SPMIP7: variants seen among roughly 807,000 people sequenced by gnomAD.
SPMIP7 encodes the protein protein SPMIP7.
chr7:50,156,472 T>C, the SPMIP7 span, among the ~76,000 whole-genome samples: 1 of 151,974 alleles, frequency 6.6e-6, no homozygotes, highest in Non-Finnish European at 1.5e-5. Flanking sequence ...GTTCCTCACT[T>C]ATTAAGAGCT....
the SPMIP7 span, among the ~76,000 whole-genome samples, chr7:50,144,210 C>CT: frequency 1.3e-5 from 2 of 152,150 alleles, no homozygotes; most frequent in Non-Finnish European, 2.9e-5. Flanking sequence ...CCACAAATAA[C>CT]TTTTTTCCAA....
the SPMIP7 span, among the ~76,000 whole-genome samples, chr7:50,129,227 C>A: frequency 1.3e-5 from 2 of 151,338 alleles, no homozygotes; most frequent in African/African-American, 2.4e-5. Context: ...AATAAAAAAG[C>A]AAAAGGAGGC....
At chr7:50,122,551 C>A in the SPMIP7 span, among the ~76,000 whole-genome samples, 2 of 150,986 alleles carry the variant, frequency 1.3e-5, no homozygotes, top group African/African-American at 2.4e-5. Flanking sequence ...GCAACAAAAG[C>A]CAAAATTGAC....
At chr7:50,109,781 A>G in the SPMIP7 span, among the ~76,000 whole-genome samples, 4 of 152,332 alleles carry the variant, frequency 2.6e-5, no homozygotes, top group Admixed American at 2.6e-4. Flanking sequence ...TAATTTCTGC[A>G]TATGTAGAAT....
chr7:50,149,643 GTTGCCATAGATGTAAT>G, the SPMIP7 span, among the ~76,000 whole-genome samples: 1 of 152,166 alleles, frequency 6.6e-6, no homozygotes, highest in Non-Finnish European at 1.5e-5. Flanking sequence ...TTATTCTGCT[GTTGCCATAGATGTAAT>G]TTCCCTTCAC....
At chr7:50,148,534 C>A in the SPMIP7 span, among the ~76,000 whole-genome samples, 2 of 152,190 alleles carry the variant, frequency 1.3e-5, no homozygotes, top group Non-Finnish European at 2.9e-5. Context: ...ACCTTTCACA[C>A]AGATGGAGGG....
chr7:50,126,608 C>G, the SPMIP7 span, among the ~76,000 whole-genome samples: 60 of 151,912 alleles, frequency 3.9e-4, 1 homozygote, highest in African/African-American at 1.4e-3. Flanking sequence ...ATTAATATTT[C>G]TCACATACAC....
chr7:50,114,254 A>G, the SPMIP7 span, among the ~76,000 whole-genome samples: 1 of 152,170 alleles, frequency 6.6e-6, no homozygotes, highest in Non-Finnish European at 1.5e-5. Context: ...AATATAAAAT[A>G]CTATTTTTCA....
the SPMIP7 span, among the ~76,000 whole-genome samples, chr7:50,134,689 A>T: frequency 4.4e-4 from 67 of 152,324 alleles, no homozygotes; most frequent in African/African-American, 1.4e-3. Flanking sequence ...ATAGATTGCT[A>T]TCTGATGTTG....
At chr7:50,128,495 A>T in the SPMIP7 span, among the ~76,000 whole-genome samples, 1 of 152,048 alleles carries the variant, frequency 6.6e-6, no homozygotes, top group Non-Finnish European at 1.5e-5. Context: ...GAAAAGATAG[A>T]TATTTAAGGT....
the SPMIP7 span, among the ~76,000 whole-genome samples, chr7:50,129,226 G>A: frequency 3.1e-4 from 47 of 151,860 alleles, 1 homozygote; most frequent in East Asian, 8.3e-3. Context: ...CAATAAAAAA[G>A]CAAAAGGAGG....
At chr7:50,145,008 T>A in the SPMIP7 span, among the ~76,000 whole-genome samples, 2 of 151,952 alleles carry the variant, frequency 1.3e-5, no homozygotes. Context: ...ACACCTGTAG[T>A]CCTAGCACTT....
chr7:50,109,242 A>G, the SPMIP7 span, among the ~76,000 whole-genome samples: 30 of 152,334 alleles, frequency 2.0e-4, no homozygotes, highest in East Asian at 5.6e-3. Context: ...GAAAATATTT[A>G]TATTTTAGAA....
At chr7:50,124,026 T>C in the SPMIP7 span, among the ~76,000 whole-genome samples, 1 of 152,114 alleles carries the variant, frequency 6.6e-6, no homozygotes, top group Non-Finnish European at 1.5e-5. Flanking sequence ...TACAAATCCA[T>C]TGAAAGTAAG....
chr7:50,121,474 A>G, the SPMIP7 span: 1 of 152,328 alleles, frequency 6.6e-6, no homozygotes, highest in Non-Finnish European at 1.5e-5. Context: ...AGGCAAACAC[A>G]GAACTGTAAC....
the SPMIP7 span, among the ~76,000 whole-genome samples, chr7:50,114,529 A>C: frequency 1.3e-5 from 2 of 152,136 alleles, no homozygotes; most frequent in African/African-American, 4.8e-5. Context: ...AAAAATTTTT[A>C]AAGCATATGT....
chr7:50,106,862 G>T, the SPMIP7 span, among the ~76,000 whole-genome samples: 1 of 152,308 alleles, frequency 6.6e-6, no homozygotes, highest in East Asian at 1.9e-4. Flanking sequence ...TTAGCACTTT[G>T]GGAGGCCAAG....
At chr7:50,108,382 C>T in the SPMIP7 span, among the ~76,000 whole-genome samples, 3 of 152,184 alleles carry the variant, frequency 2.0e-5, no homozygotes, top group South Asian at 2.1e-4. Flanking sequence ...AGATACATAA[C>T]ATACACAAGT....
At chr7:50,141,121 T>G in the SPMIP7 span, among the ~76,000 whole-genome samples, 1 of 152,252 alleles carries the variant, frequency 6.6e-6, no homozygotes, top group Non-Finnish European at 1.5e-5. Context: ...TTATATTTTT[T>G]AAGGAAAATT....
Sources: allele counts gnomAD v4.1 joint callset (sites outside exome capture counted in the v4.1 genomes callset), GRCh38; gene constraint gnomAD v4.1.1; transcripts MANE v1.5; gene names NCBI Gene and HGNC (gene_info 2026-07-23, HGNC 2026-07-21).